PRKD1: variants seen among roughly 807,000 people sequenced by gnomAD.
The protein encoded by PRKD1 is protein kinase D1.
Under a neutral mutation model 95.9 loss-of-function variants are expected in PRKD1, and 63 were observed. The observed-to-expected ratio is 0.66, with a 90% confidence interval of 0.54 to 0.81. The LOEUF is 0.81. Among genes scored for constraint, PRKD1 ranks in the 30% least tolerant of loss-of-function variants. PRKD1 has a pLI of 0.00. For synonymous variants in PRKD1, 425 were observed against 423.1 expected (o/e 1.00, Z -0.05); for missense variants, 1,048 against 1,165.3 (o/e 0.90, Z 1.47).
At chr14:29,692,421 C>T (rs535418290) in intron 2 of PRKD1, among the ~76,000 whole-genome samples, 7 of 152,220 alleles carry the variant, frequency 4.6e-5, no homozygotes, top group Non-Finnish European at 1.0e-4. Flanking sequence ...CCAGATAACT[C>T]TACAACTTAA....
At chr14:29,897,281 T>C (rs993333276) in intron 1 of PRKD1, among the ~76,000 whole-genome samples, 6 of 152,296 alleles carry the variant, frequency 3.9e-5, no homozygotes, top group Middle Eastern at 3.4e-3. Context: ...TACTTCCTTA[T>C]TGTAATACTA....
intron 1 of PRKD1, among the ~76,000 whole-genome samples, chr14:29,901,964 C>CAAACTCAATATA (rs1181544622): frequency 6.6e-6 from 1 of 152,222 alleles, no homozygotes; most frequent in Non-Finnish European, 1.5e-5. Flanking sequence ...TTGACACATA[C>CAAACTCAATATA]AAACTCAATA....
chr14:29,912,582 G>A (rs1049559965), intron 1 of PRKD1, among the ~76,000 whole-genome samples: 2 of 152,136 alleles, frequency 1.3e-5, no homozygotes, highest in Admixed American at 1.3e-4. Context: ...AACATCTTAA[G>A]CAAATATGCG....
chr14:29,723,497 G>A (rs150652533), intron 2 of PRKD1, among the ~76,000 whole-genome samples: 21 of 152,242 alleles, frequency 1.4e-4, no homozygotes, highest in African/African-American at 4.3e-4. Context: ...AGAGATATGG[G>A]TAAGAAACAG....
intron 1 of PRKD1, among the ~76,000 whole-genome samples, chr14:29,892,194 A>G (rs1222961532): frequency 1.3e-5 from 2 of 152,198 alleles, no homozygotes; most frequent in African/African-American, 2.4e-5. Context: ...GCACCCATGT[A>G]TGTACATCCA....
At chr14:29,669,501 C>A in intron 2 of PRKD1, among the ~76,000 whole-genome samples, 2 of 152,042 alleles carry the variant, frequency 1.3e-5, no homozygotes, top group Middle Eastern at 6.8e-3. Flanking sequence ...TTCTGGATAC[C>A]ACTCCTACAC....
In PRKD1 at chr14:29,615,605, T is replaced by A. The variant is rs111809329; in HGVS notation, c.1905+8547A>T. ...TCTCCCTGATTCCAACGCTCTGGAA[T>A]CTGTGGTAATCCATGACTTCCTCCA... On this transcript the variant is annotated intron_variant, in intron 13 of 17. Transcript: ENST00000331968. Among the ~76,000 whole-genome samples, 51 of 152,344 alleles carry A rather than the reference T, an allele frequency of 3.3e-4. 1 individual carries two copies. Among genetic ancestry groups the A allele is most frequent in the African/African-American group, 1.2e-3 (48 of 41,598 alleles).
chr14:29,609,351 C>A (rs1878255472), intron 13 of PRKD1, among the ~76,000 whole-genome samples: 1 of 152,036 alleles, frequency 6.6e-6, no homozygotes, highest in Non-Finnish European at 1.5e-5. Context: ...ATGCACAATG[C>A]ATGATTACAA....
At chr14:29,875,409 G>C (rs529038654) in intron 1 of PRKD1, among the ~76,000 whole-genome samples, 18 of 152,188 alleles carry the variant, frequency 1.2e-4, no homozygotes, top group Non-Finnish European at 2.5e-4. Flanking sequence ...ATATTTGCAT[G>C]TGGACAAAGA....
chr14:29,755,962 C>T (rs559013510), intron 1 of PRKD1, among the ~76,000 whole-genome samples: 3 of 152,150 alleles, frequency 2.0e-5, no homozygotes, highest in Non-Finnish European at 4.4e-5. Flanking sequence ...TTATCACACA[C>T]ATTCATCACT....
chr14:29,594,171 T>C, intron 16 of PRKD1: 1 of 451,852 alleles, frequency 2.2e-6, no homozygotes, highest in Non-Finnish European at 4.4e-6. Flanking sequence ...AGTCAACATC[T>C]ACACTAACAG....
At chr14:29,887,788 T>A (rs1594604573) in intron 1 of PRKD1, among the ~76,000 whole-genome samples, 1 of 152,218 alleles carries the variant, frequency 6.6e-6, no homozygotes. Context: ...TGTACAGTTA[T>A]AGCCTAGGAG....
intron 2 of PRKD1, among the ~76,000 whole-genome samples, chr14:29,705,455 G>T (rs1179830763): frequency 1.4e-5 from 2 of 147,040 alleles, no homozygotes; most frequent in East Asian, 2.0e-4. Context: ...GCCAGATTCT[G>T]TTTTTTTTTT....
At chr14:29,911,684 G>A (rs1001962794) in intron 1 of PRKD1, among the ~76,000 whole-genome samples, 1 of 152,146 alleles carries the variant, frequency 6.6e-6, no homozygotes, top group African/African-American at 2.4e-5. Flanking sequence ...CAATGAGTGT[G>A]ACATATTAGT....
intron 1 of PRKD1, among the ~76,000 whole-genome samples, chr14:29,908,304 C>T (rs1170982196): frequency 6.6e-6 from 1 of 152,092 alleles, no homozygotes; most frequent in Non-Finnish European, 1.5e-5. Flanking sequence ...CATCAGTAAT[C>T]TTTTTTTCTT....
At chr14:29,826,732 CACATATAT>C (rs1891163580) in intron 1 of PRKD1, among the ~76,000 whole-genome samples, 7 of 52,692 alleles carry the variant, frequency 1.3e-4, no homozygotes, top group Non-Finnish European at 1.1e-4. Context: ...CATATATATA[CACATATAT>C]ATACACATAT....
chr14:29,622,714 T>A (rs1879359986), intron 13 of PRKD1, among the ~76,000 whole-genome samples: 1 of 152,196 alleles, frequency 6.6e-6, no homozygotes, highest in African/African-American at 2.4e-5. Context: ...TATTTTATTT[T>A]TCTACCTCTC....
chr14:29,638,660 A>G (rs746802422), intron 5 of PRKD1, 34 bp downstream of exon 5: 1 of 1,612,342 alleles, frequency 6.2e-7, no homozygotes, highest in Non-Finnish European at 8.5e-7. Context: ...AATGAGGGTG[A>G]TCAAAGTTCG....
chr14:29,642,716 T>C (rs543380916), intron 4 of PRKD1, among the ~76,000 whole-genome samples: 1 of 152,324 alleles, frequency 6.6e-6, no homozygotes, highest in African/African-American at 2.4e-5. Context: ...ATGTGCACAG[T>C]ACTTTAGAGT....
Sources: gnomAD v4.1 joint callset for allele counts (sites outside exome capture counted in the v4.1 genomes callset) on GRCh38, gnomAD v4.1.1 for gene constraint, MANE v1.5 for transcripts, NCBI Gene and HGNC (gene_info 2026-07-23, HGNC 2026-07-21) for gene names.